The following CAMSAP3 variants were observed in gnomAD, a reference collection of about 807,000 sequenced individuals.
CAMSAP3 encodes calmodulin-regulated spectrin-associated protein 3.
A neutral mutation model predicts 112.5 loss-of-function variants in CAMSAP3; 34 were observed. The observed-to-expected ratio is 0.30, with a 90% CI of 0.23 to 0.40. The LOEUF (loss-of-function observed/expected upper bound fraction) is 0.40. CAMSAP3 is among the 10% of genes least tolerant of loss of function. The pLI is 1.00. For synonymous variants in CAMSAP3, 868 were observed against 799.8 expected, an observed-to-expected ratio of 1.09 and a Z score of -1.44; for missense variants, 1,602 against 1,770.3, an observed-to-expected ratio of 0.90 and a Z score of 1.71.
At chr19:7,603,956 G>A (rs1219305144) in intron 1 of CAMSAP3, among the ~76,000 whole-genome samples, 1 of 152,118 alleles carries the variant, frequency 6.6e-6, no homozygotes, top group Non-Finnish European at 1.5e-5. Context: ...CCAAAATGGT[G>A]ATAACCCTGT....
chr19:7,601,034 A>T (rs900965824), intron 1 of CAMSAP3, among the ~76,000 whole-genome samples: 1 of 151,978 alleles, frequency 6.6e-6, no homozygotes, highest in African/African-American at 2.4e-5. Context: ...GCCACCAGCC[A>T]GATGTGGCTA....
At chr19:7,606,136 G>GCCCCCCCCCCCCCCAACCCCC in intron 2 of CAMSAP3, 135 bp from the exon 3 acceptor site, 1 of 511,800 alleles carries the variant, frequency 2.0e-6, no homozygotes, top group East Asian at 4.8e-5. Flanking sequence ...TGAACCACTG[G>GCCCCCCCCCCCCCCAACCCCC]CCCCGCCCCC....
At chr19:7,605,582 C>G (rs2030172042) in intron 2 of CAMSAP3, 103 bp downstream of exon 2, 9 of 1,281,780 alleles carry the variant, frequency 7.0e-6, no homozygotes, top group Non-Finnish European at 8.1e-6. Flanking sequence ...CTCTATCAGT[C>G]TTGGCTCCTT....
At chr19:7,603,054 G>A (rs554789816) in intron 1 of CAMSAP3, among the ~76,000 whole-genome samples, 2 of 152,178 alleles carry the variant, frequency 1.3e-5, no homozygotes, top group East Asian at 1.9e-4. Context: ...TAAGTGGGAC[G>A]GTCCAGTGTG....
Position 7,611,368 on chromosome 19 carries a change from C to G in CAMSAP3, c.1124-149C>G. The G allele has an allele frequency of 1.1e-6, 1 of 897,344 alleles. No homozygotes were observed. Among genetic ancestry groups the G allele is most frequent in the Non-Finnish European group, 1.7e-6 (1 of 592,644 alleles). 55.6% of individuals were successfully genotyped at this position (897,344 alleles called of 1,614,324 possible). On this transcript the variant is annotated intron_variant, in intron 9 of 16. Coordinates refer to ENST00000160298, the MANE Select transcript of CAMSAP3 (RefSeq NM_020902.2). This position sits in a 1 kb window ranked among gnomAD's most constrained non-coding sequence, Gnocchi z 6.9. ...AGTGACAGTAAATGGCCCCGGGTAT[C>G]TGTTTCTGGAAACCTCTGGTCTCAC...
In CAMSAP3 at chr19:7,605,237, C is replaced by T. The variant is rs1413813782; in HGVS notation, c.160C>T (p.Pro54Ser). Residue 54 changes from proline to serine, a missense_variant, in exon 2 of 17, where the codon CCG (proline) becomes TCG (serine). By Grantham distance (74) the Pro-to-Ser change is moderately conservative. Coordinates refer to ENST00000160298, the MANE Select transcript of CAMSAP3 (RefSeq NM_020902.2). ...AAFGGAEHVP[P>S]ELWEPFYTDQ... The stretch of plus-strand genomic sequence containing the variant: ...CTATGCCCCCACAGAGCACGTGCCC[C>T]CGGAGCTGTGGGAGCCCTTCTATAC... 2.6e-6 allele frequency: 4 copies of T among 1,556,444 alleles called. No individual in the cohort carries two copies. The highest frequency in any genetic ancestry group is 3.5e-6 in the Non-Finnish European group (4 of 1,150,086).
At chr19:7,606,150 A>AAC (rs2030204859) in intron 2 of CAMSAP3, 121 bp from the exon 3 acceptor site, 30 of 265,344 alleles carry the variant, frequency 1.1e-4, no homozygotes, top group Middle Eastern at 1.2e-3. Flanking sequence ...CGCCCCCTCA[A>AAC]GCCCCACCCC....
intron 4 of CAMSAP3, 44 bp from the exon 5 acceptor site, chr19:7,608,082 G>A: frequency 1.9e-6 from 3 of 1,591,326 alleles, no homozygotes; most frequent in Non-Finnish European, 2.6e-6. Flanking sequence ...CGCTGACCCT[G>A]GGGGCCAGCC....
intron 2 of CAMSAP3, 77 bp downstream of exon 2, chr19:7,605,556 G>C: frequency 7.2e-7 from 1 of 1,395,774 alleles, no homozygotes; most frequent in Non-Finnish European, 9.3e-7. Flanking sequence ...GCCAGTCCTG[G>C]CTCCTCCCAA....
chr19:7,603,979 C>G (rs1568440413), intron 1 of CAMSAP3, among the ~76,000 whole-genome samples: 1 of 152,092 alleles, frequency 6.6e-6, no homozygotes, highest in African/African-American at 2.4e-5. Context: ...CTACAACATA[C>G]AAAAATTAGC....
intron 5 of CAMSAP3, 70 bp downstream of exon 5, chr19:7,608,334 C>A: frequency 1.3e-6 from 2 of 1,542,314 alleles, no homozygotes; most frequent in South Asian, 2.4e-5. Context: ...CCCCTAGACC[C>A]TCCATCCCCA....
Position 7,617,310 on chromosome 19 carries a change from C to T in CAMSAP3, c.3213-16C>T, listed in dbSNP as rs753293628. On this transcript the variant is annotated splice_polypyrimidine_tract_variant and intron_variant, in intron 14 of 16. Transcript: ENST00000160298. The surrounding 1 kb of genome is among the most constrained non-coding windows in gnomAD (Gnocchi z 7.5). ...CATCCTGACCCCACCTCCATCCCAT[C>T]CTTCTCCCACTGCAGGGCTCCCTCC... The T allele has an allele frequency of 1.3e-6, 2 of 1,590,588 alleles. No individual in the cohort carries two copies. The highest frequency in any genetic ancestry group is 2.2e-5 in the South Asian group (2 of 90,644).
Position 7,611,093 on chromosome 19 carries a change from A to G in CAMSAP3, c.1050-2A>G. ...GAGGCTGAAGTACGTCTCTCCGTAC[A>G]GTTCTCCTGTCTTCACCTTCCGCCA... On this transcript the variant is annotated splice_acceptor_variant, in intron 8 of 16. Transcript: ENST00000160298. LOFTEE classifies it high-confidence loss of function. This position sits in a 1 kb window ranked among gnomAD's most constrained non-coding sequence, Gnocchi z 6.9. The G allele has an allele frequency of 6.2e-7, 1 of 1,613,698 alleles. No homozygotes were observed. The highest frequency in any genetic ancestry group is 8.5e-7 in the Non-Finnish European group (1 of 1,179,932).
chr19:7,616,320 G>T, intron 13 of CAMSAP3: 1 of 552,906 alleles, frequency 1.8e-6, no homozygotes, highest in Non-Finnish European at 3.3e-6. Flanking sequence ...TGCCAGTAGG[G>T]GCTGACCCAG....
chr19:7,605,575 T>G, intron 2 of CAMSAP3, 96 bp downstream of exon 2: 2 of 1,315,456 alleles, frequency 1.5e-6, no homozygotes, highest in Non-Finnish European at 2.0e-6. Flanking sequence ...AAGTTCCCTC[T>G]ATCAGTCTTG....
At position 7,596,095 on chromosome 19, in the gene CAMSAP3, G is replaced by A; in HGVS notation, c.93G>A (p.Arg31=). 1 of 1,275,798 alleles carries A rather than the reference G, an allele frequency of 7.8e-7. No individual in the cohort carries two copies. The highest frequency in any genetic ancestry group is 1.0e-6 in the Non-Finnish European group (1 of 982,602). 79.0% of individuals were successfully genotyped at this position (1,275,798 alleles called of 1,614,324 possible). ...CGCTGGACCAGTACGATTTCTCGCG[G>A]GCCAAGGCGGCGGCCAGCCTGGCGT... ...IKSLDQYDFS[R]AKAAASLAWV... Residue 31 remains arginine (R), a synonymous_variant, in exon 1 of 17, where the codon CGG becomes CGA. Transcript: ENST00000160298.
intron 1 of CAMSAP3, among the ~76,000 whole-genome samples, chr19:7,602,667 G>A (rs1036794904): frequency 2.0e-5 from 3 of 151,482 alleles, no homozygotes; most frequent in Non-Finnish European, 4.4e-5. Flanking sequence ...GATGCCCAGG[G>A]TGCAGTGGGG....
Position 7,612,594 on chromosome 19 carries a change from C to T in CAMSAP3, c.2101C>T (p.Arg701Ter). 1 of 1,532,476 alleles carries T rather than the reference C, an allele frequency of 6.5e-7. No homozygotes were observed. The highest frequency in any genetic ancestry group is 8.7e-7 in the Non-Finnish European group (1 of 1,143,826). The allele number at this position is 1,532,476 out of a possible 1,614,324, so 94.9% of individuals were successfully genotyped here. Residue 701 changes from arginine (R) to a stop codon, truncating the protein, a stop_gained, in exon 11 of 17, where the codon CGA (arginine) becomes TGA (stop). Coordinates refer to ENST00000160298, the MANE Select transcript of CAMSAP3 (RefSeq NM_020902.2). LOFTEE classifies it high-confidence loss of function. ...CCACGAGGGGCTGGGGGAATACAAT[C>T]GAGCGGTCAGCAAGCTGAGTGCCGC... is the stretch of plus-strand genomic sequence containing the variant. Reference protein sequence around the residue: ...VPHEGLGEYNRAVSKLSAALS... With the variant: ...VPHEGLGEYN
In CAMSAP3 at chr19:7,615,246, C is replaced by T. The variant is rs375568691; in HGVS notation, c.2734C>T (p.Arg912Trp). 23 of 1,551,276 alleles carry T rather than the reference C, an allele frequency of 1.5e-5. No individual in the cohort carries two copies. The highest frequency in any genetic ancestry group is 5.9e-5 in the South Asian group (5 of 84,126). The change falls in exon 12 of 17, where the codon CGG becomes TGG. Residue 912 changes from arginine to tryptophan, a missense_variant. Transcript: ENST00000160298. The surrounding 1 kb of genome is among the most constrained non-coding windows in gnomAD (Gnocchi z 6.5). The part of the protein sequence containing the change: ...KRASLLERQQ[R>W]RAEEARRRKQ... Reference sequence around the variant, plus strand: ...GGCCAGCCTGCTGGAGCGGCAGCAGCGGCGAGCAGAGGAGGCGCGGCGGCG... The same window carrying T: ...GGCCAGCCTGCTGGAGCGGCAGCAGTGGCGAGCAGAGGAGGCGCGGCGGCG...
Sources: gnomAD v4.1 joint callset for allele counts (sites outside exome capture counted in the v4.1 genomes callset) on GRCh38, gnomAD v4.1.1 for gene constraint, Gnocchi (gnomAD v3.1) non-coding constraint, MANE v1.5 for transcripts, NCBI Gene and HGNC (gene_info 2026-07-23, HGNC 2026-07-21) for gene names.